UNC13C: variants seen among roughly 807,000 people sequenced by gnomAD.
UNC13C encodes the protein protein unc-13 homolog C.
Under a neutral mutation model 245.4 loss-of-function variants are expected in UNC13C, and 174 were observed. The ratio of observed to expected loss-of-function variants is 0.71; its 90% CI spans 0.63 to 0.80. UNC13C has a LOEUF of 0.80. UNC13C is among the 30% of genes least tolerant of loss of function. The pLI is 0.00. For missense variants in UNC13C, 2,829 were observed against 2,602.9 expected (o/e 1.09, Z -1.89); for synonymous variants, 992 against 895.1 (o/e 1.11, Z -1.93).
At chr15:53,972,232 G>T in the UNC13C span, among the ~76,000 whole-genome samples, 2 of 152,180 alleles carry the variant, frequency 1.3e-5, no homozygotes, top group Non-Finnish European at 2.9e-5. Flanking sequence ...CAACCCTTCC[G>T]ATGCTTATAA....
intron 2 of UNC13C, among the ~76,000 whole-genome samples, chr15:54,141,998 A>C (rs2032045468): frequency 6.6e-6 from 1 of 152,138 alleles, no homozygotes; most frequent in African/African-American, 2.4e-5. Context: ...TAAACAAGGG[A>C]TTTGAACTAA....
chr15:54,569,364 C>T (rs1383274841), intron 30 of UNC13C, among the ~76,000 whole-genome samples: 4 of 151,882 alleles, frequency 2.6e-5, no homozygotes, highest in Non-Finnish European at 5.9e-5. Flanking sequence ...CACATCCTCC[C>T]ATATATTTTA....
At chr15:54,528,389 A>G (rs756942256) in intron 25 of UNC13C, among the ~76,000 whole-genome samples, 52 of 151,568 alleles carry the variant, frequency 3.4e-4, no homozygotes, top group Non-Finnish European at 6.2e-4. Flanking sequence ...AAACAAAAAA[A>G]TTCAGGAATA....
At chr15:54,558,913 T>C (rs1255270913) in intron 29 of UNC13C, among the ~76,000 whole-genome samples, 1 of 151,974 alleles carries the variant, frequency 6.6e-6, no homozygotes, top group Non-Finnish European at 1.5e-5. Context: ...ACCCCATATC[T>C]CAAGAAGACT....
intron 19 of UNC13C, among the ~76,000 whole-genome samples, chr15:54,455,191 CTCTCTCTCTCTCTCTATA>C (rs1339384367): frequency 5.0e-5 from 2 of 40,004 alleles, no homozygotes; most frequent in Non-Finnish European, 5.0e-5. Context: ...CTCTCTCTCT[CTCTCTCTCTCTCTCTATA>C]TATATATATA....
intron 10 of UNC13C, among the ~76,000 whole-genome samples, chr15:54,289,644 T>G (rs184117147): frequency 6.6e-6 from 1 of 152,068 alleles, no homozygotes; most frequent in Non-Finnish European, 1.5e-5. Context: ...AGAATGACTG[T>G]AGAGGTTAAA....
intron 11 of UNC13C, among the ~76,000 whole-genome samples, chr15:54,295,146 A>G (rs1445315588): frequency 2.0e-5 from 3 of 152,322 alleles, no homozygotes; most frequent in South Asian, 2.1e-4. Flanking sequence ...TGTTTTAACT[A>G]TTAAATGACT....
chr15:53,973,616 A>G (rs74016045), upstream of UNC13C, among the ~76,000 whole-genome samples: 1 of 151,754 alleles, frequency 6.6e-6, no homozygotes, highest in African/African-American at 2.4e-5. Context: ...TGGAAAAAAA[A>G]TTTTTACTTG....
At chr15:54,298,340 C>T (rs574051776) in intron 12 of UNC13C, among the ~76,000 whole-genome samples, 2 of 152,100 alleles carry the variant, frequency 1.3e-5, no homozygotes, top group Non-Finnish European at 2.9e-5. Context: ...TTTGAGAACT[C>T]CGAGTTAGAG....
At chr15:54,292,916 TTA>T (rs2037336009) in intron 10 of UNC13C, among the ~76,000 whole-genome samples, 3 of 148,332 alleles carry the variant, frequency 2.0e-5, no homozygotes, top group South Asian at 2.1e-4. Context: ...AATATATAGA[TTA>T]TATATAGAGA....
intron 4 of UNC13C, among the ~76,000 whole-genome samples, chr15:54,153,590 A>G (rs1351543545): frequency 6.6e-6 from 1 of 152,072 alleles, no homozygotes; most frequent in Non-Finnish European, 1.5e-5. Flanking sequence ...ACAATTTTAC[A>G]CATCAATAAT....
chr15:53,976,458 TC>T (rs757576008), upstream of UNC13C, among the ~76,000 whole-genome samples: 1,298 of 96,650 alleles, frequency 0.013, 169 homozygotes, highest in Middle Eastern at 0.039. Flanking sequence ...TTTTCTTCTT[TC>T]TCTCTCTCTC....
At chr15:54,377,019 G>C (rs752893850) in intron 17 of UNC13C, among the ~76,000 whole-genome samples, 1 of 152,202 alleles carries the variant, frequency 6.6e-6, no homozygotes, top group Non-Finnish European at 1.5e-5. Flanking sequence ...AGAAGCCCTT[G>C]TGAAGGCAGA....
chr15:54,404,704 C>A (rs900740676), intron 18 of UNC13C, among the ~76,000 whole-genome samples: 12 of 152,190 alleles, frequency 7.9e-5, no homozygotes, highest in African/African-American at 2.9e-4. Context: ...CTTCTTTTAA[C>A]TTCTAAGTAT....
chr15:53,861,707 C>A, the UNC13C span, among the ~76,000 whole-genome samples: 7 of 152,152 alleles, frequency 4.6e-5, no homozygotes, highest in Non-Finnish European at 7.3e-5. Flanking sequence ...GGAAGCAGAT[C>A]CAGCACATTG....
At chr15:54,167,602 G>GAAAAA (rs35210236) in intron 4 of UNC13C, among the ~76,000 whole-genome samples, 74 of 63,548 alleles carry the variant, frequency 1.2e-3, no homozygotes, top group East Asian at 2.8e-3. Context: ...ATCCAAATAG[G>GAAAAA]AAAAAAAAAA....
chr15:54,286,719 T>G (rs561543789), intron 10 of UNC13C, among the ~76,000 whole-genome samples: 2 of 152,312 alleles, frequency 1.3e-5, no homozygotes, highest in African/African-American at 4.8e-5. Context: ...GTCATTTTGA[T>G]GACTGCCAAA....
At chr15:54,154,524 G>A (rs1440648474) in intron 4 of UNC13C, among the ~76,000 whole-genome samples, 2 of 152,032 alleles carry the variant, frequency 1.3e-5, no homozygotes, top group African/African-American at 4.8e-5. Flanking sequence ...AGATAACCTA[G>A]GTTATGATAC....
chr15:54,497,319 A>G (rs1309914029), intron 20 of UNC13C, among the ~76,000 whole-genome samples: 3 of 152,244 alleles, frequency 2.0e-5, no homozygotes, highest in East Asian at 1.9e-4. Flanking sequence ...TTTCACCCCC[A>G]TACATCTGCC....
Sources: gnomAD v4.1 joint callset for allele counts (sites outside exome capture counted in the v4.1 genomes callset) on GRCh38, gnomAD v4.1.1 for gene constraint, MANE v1.5 for transcripts, NCBI Gene and HGNC (gene_info 2026-07-23, HGNC 2026-07-21) for gene names.